SLC6A13: variants seen among roughly 807,000 people sequenced by gnomAD.
SLC6A13 encodes sodium- and chloride-dependent GABA transporter 2.
Under a neutral mutation model 72.9 loss-of-function variants are expected in SLC6A13, and 69 were observed. That is an observed-to-expected ratio of 0.95 (90% CI 0.78 to 1.16). SLC6A13 has a LOEUF of 1.16. Among genes scored for constraint, SLC6A13 ranks in the 50% most tolerant of loss-of-function variants. The pLI, the probability that SLC6A13 is intolerant of heterozygous loss-of-function variation, is 0.00. For synonymous variants in SLC6A13, 303 were observed against 303.0 expected (o/e 1.00, Z 0.00); for missense variants, 735 against 760.5 (o/e 0.97, Z 0.39).
Position 224,095 on chromosome 12 carries a change from A to T in SLC6A13, c.1208T>A (p.Val403Glu). The change falls in exon 11 of 15, where the codon GTG (valine) becomes GAG (glutamate). Residue 403 changes from valine to glutamate, a missense_variant. By Grantham distance (121) the Val-to-Glu change is moderately radical. Coordinates refer to ENST00000343164, the MANE Select transcript of SLC6A13 (RefSeq NM_016615.5). ...GCGGAACACGTGAGGGTACATGTCC[A>T]CCAGCGCTGTCACCAGGCTTTCTAC... ...VCVESLVTALVDMYPHVFRKK... is the reference protein window; with the variant it reads ...VCVESLVTALEDMYPHVFRKK... The T allele has an allele frequency of 6.2e-7, 1 of 1,614,200 alleles. No homozygotes were observed. The highest frequency in any genetic ancestry group is 8.5e-7 in the Non-Finnish European group (1 of 1,180,032).
chr12:236,983 A>G (rs892383865), intron 6 of SLC6A13, 175 bp downstream of exon 6: 2 of 660,594 alleles, frequency 3.0e-6, no homozygotes, highest in Admixed American at 2.6e-5. Flanking sequence ...CCCAAAAACC[A>G]GAAGTATGTG....
At chr12:244,884 T>C (rs1440319347) in intron 2 of SLC6A13, among the ~76,000 whole-genome samples, 1 of 152,216 alleles carries the variant, frequency 6.6e-6, no homozygotes, top group Non-Finnish European at 1.5e-5. Flanking sequence ...AGGTGTTCTG[T>C]TGTAGCAACA....
intron 2 of SLC6A13, among the ~76,000 whole-genome samples, chr12:251,224 T>C (rs1942536806): frequency 6.6e-6 from 1 of 151,910 alleles, no homozygotes; most frequent in African/African-American, 2.4e-5. Context: ...CTGGTATTTA[T>C]ATTATCCTCA....
chr12:242,061 G>C (rs1942185366), intron 4 of SLC6A13, among the ~76,000 whole-genome samples: 1 of 152,228 alleles, frequency 6.6e-6, no homozygotes, highest in Non-Finnish European at 1.5e-5. Flanking sequence ...TGTGCACTCT[G>C]TGCTGTGTTC....
chr12:226,702 C>T (rs966520345), intron 8 of SLC6A13, 188 bp from the exon 9 acceptor site: 1 of 597,102 alleles, frequency 1.7e-6, no homozygotes, highest in Non-Finnish European at 2.8e-6. Flanking sequence ...CTCCGACACT[C>T]CTCGGCCCCA....
chr12:222,283 G>A (rs528106773), intron 13 of SLC6A13, among the ~76,000 whole-genome samples: 10 of 152,326 alleles, frequency 6.6e-5, no homozygotes, highest in South Asian at 2.1e-4. Context: ...GGCCTGTGAC[G>A]TTAGACTCAC....
chr12:223,150 A>G lies in SLC6A13; in HGVS notation c.1396T>C (p.Cys466Arg), dbSNP rs778582519. 1.2e-6 allele frequency: 2 copies of G among 1,612,816 alleles called. No homozygotes were observed. The highest frequency in any genetic ancestry group is 1.7e-6 in the Non-Finnish European group (2 of 1,178,764). The change falls in exon 12 of 15, where the codon TGT becomes CGT. Residue 466 changes from cysteine to arginine, a missense_variant. By Grantham distance (180) the Cys-to-Arg change is radical. Transcript: ENST00000343164. ...LLFVAIFESL[C>R]VAWVYGAKRF... Reference sequence around the variant, plus strand: ...CACTCACCGTAAACCCAAGCCACACAGAGGGACTCGAAGATGGCCACGAAC... The same window carrying G: ...CACTCACCGTAAACCCAAGCCACACGGAGGGACTCGAAGATGGCCACGAAC...
At chr12:231,569 G>A (rs1288587085) in intron 7 of SLC6A13, among the ~76,000 whole-genome samples, 1 of 152,144 alleles carries the variant, frequency 6.6e-6, no homozygotes, top group Non-Finnish European at 1.5e-5. Context: ...GGCTGCTCAG[G>A]ACCAGTCCTG....
At position 227,583 on chromosome 12, in the gene SLC6A13, T is replaced by A; in HGVS notation, c.917A>T (p.Tyr306Phe). Reference sequence around the variant, plus strand: ...CAATCACCTGTAGCAGTTGTTGTGGTACTTGTTGTAGCTGCCCAGGGCTGT... The same window carrying A: ...CAATCACCTGTAGCAGTTGTTGTGGAACTTGTTGTAGCTGCCCAGGGCTGT... ...CLTALGSYNK[Y>F]HNNCYRDCIA... Residue 306 changes from tyrosine to phenylalanine, a missense_variant, in exon 8 of 15, where the codon TAC becomes TTC. By Grantham distance (22) the Tyr-to-Phe change is conservative. Coordinates refer to ENST00000343164, the MANE Select transcript of SLC6A13 (RefSeq NM_016615.5). 6.2e-7 allele frequency: 1 copy of A among 1,613,990 alleles called. No homozygotes were observed. The highest frequency in any genetic ancestry group is 8.5e-7 in the Non-Finnish European group (1 of 1,179,920).
intron 13 of SLC6A13, 118 bp from the exon 14 acceptor site, chr12:221,664 T>G (rs1941217716): frequency 7.8e-5 from 52 of 668,150 alleles, no homozygotes; most frequent in East Asian, 1.1e-4. Context: ...CCTCTAGCTC[T>G]TCTGGACCAA....
At chr12:239,446 G>A (rs916955491) in intron 4 of SLC6A13, among the ~76,000 whole-genome samples, 9 of 152,100 alleles carry the variant, frequency 5.9e-5, no homozygotes, top group African/African-American at 1.7e-4. Context: ...TCAATGACTC[G>A]TTCCCCCTCC....
At position 222,595 on chromosome 12, in the gene SLC6A13, A is replaced by T; in HGVS notation, c.1452T>A (p.Ile484=). The change falls in exon 13 of 15, where the codon ATT becomes ATA. Residue 484 remains isoleucine, a synonymous_variant. Coordinates refer to ENST00000343164, the MANE Select transcript of SLC6A13 (RefSeq NM_016615.5). ...TGATAAGAGGCCATGGCCTGTACCC[A>T]ATCATGTCTTCGATGTTGTCGTAGA... ...KRFYDNIEDM[I]GYRPWPLIKY... The T allele has an allele frequency of 6.2e-7, 1 of 1,610,758 alleles. No individual in the cohort carries two copies. The highest frequency in any genetic ancestry group is 8.5e-7 in the Non-Finnish European group (1 of 1,178,308).
intron 2 of SLC6A13, among the ~76,000 whole-genome samples, chr12:247,489 C>G (rs1942395651): frequency 6.6e-6 from 1 of 151,998 alleles, no homozygotes; most frequent in South Asian, 2.1e-4. Context: ...AATTCTATAC[C>G]CAGCAATAAT....
At chr12:242,507 G>T in intron 4 of SLC6A13, 107 bp downstream of exon 4, 3 of 895,752 alleles carry the variant, frequency 3.3e-6, no homozygotes, top group Admixed American at 2.7e-5. Context: ...GGTCGACTTG[G>T]GTGATTTCTG....
At chr12:238,218 A>G (rs1207502673) in intron 4 of SLC6A13, 9 of 1,523,074 alleles carry the variant, frequency 5.9e-6, no homozygotes, top group Non-Finnish European at 7.0e-6. Flanking sequence ...ACATGTGGGT[A>G]CATAGATGCT....
At chr12:251,130 T>C (rs1942530832) in intron 2 of SLC6A13, among the ~76,000 whole-genome samples, 1 of 147,016 alleles carries the variant, frequency 6.8e-6, no homozygotes, top group African/African-American at 2.5e-5. Flanking sequence ...CACTCCAGCC[T>C]GGGCAACAGA....
At position 235,363 on chromosome 12, in the gene SLC6A13, C is replaced by A. The variant is rs950604400; in HGVS notation, c.697-139G>T. ...CCTCCTGCTCCCAGCTCATCCACAG[C>A]TGTTTAGTTCTGTTGCAGGAAGTTA... On this transcript the variant is annotated intron_variant, in intron 6 of 14. Coordinates refer to ENST00000343164, the MANE Select transcript of SLC6A13 (RefSeq NM_016615.5). 11 of 794,706 alleles carry A rather than the reference C, an allele frequency of 1.4e-5. No individual in the cohort carries two copies. The East Asian group carries it at 2.7e-4, about 19-fold the overall frequency. The allele number at this position is 794,706 out of a possible 1,614,324, so 49.2% of individuals were successfully genotyped here. A position where few individuals can be genotyped will look rare whatever the true frequency, so the allele number is the denominator to read the frequency against.
chr12:255,840 C>T (rs2137319562), intron 2 of SLC6A13, among the ~76,000 whole-genome samples: 1 of 128,070 alleles, frequency 7.8e-6, no homozygotes, highest in East Asian at 2.0e-4. Flanking sequence ...CCATTTACTT[C>T]CCTGACCTTA....
chr12:230,647 C>T (rs1226605407), intron 7 of SLC6A13, among the ~76,000 whole-genome samples: 1 of 152,172 alleles, frequency 6.6e-6, no homozygotes, highest in African/African-American at 2.4e-5. Context: ...TGGGAACTAT[C>T]ATGGTAAATA....
Sources: allele counts gnomAD v4.1 joint callset (sites outside exome capture counted in the v4.1 genomes callset), GRCh38; gene constraint gnomAD v4.1.1; transcripts MANE v1.5; gene names NCBI Gene and HGNC (gene_info 2026-07-23, HGNC 2026-07-21).